Variants in HUNK observed in about 807,000 individuals in gnomAD.
HUNK encodes hormonally up-regulated neu tumor-associated kinase.
In HUNK, 21 loss-of-function variants were observed where a neutral mutation model predicts 61.0. The observed-to-expected ratio is 0.34, with a 90% confidence interval of 0.24 to 0.50. The LOEUF is 0.50. Ranked by LOEUF, HUNK falls within the 20% of genes least tolerant of loss-of-function variation. HUNK has a pLI of 0.98. For synonymous variants in HUNK, 371 were observed against 386.1 expected (o/e 0.96, Z 0.46); for missense variants, 772 against 945.7 (o/e 0.82, Z 2.41).
At chr21:31,915,979 A>T (rs1218069268) in intron 1 of HUNK, among the ~76,000 whole-genome samples, 1 of 151,060 alleles carries the variant, frequency 6.6e-6, no homozygotes, top group South Asian at 2.1e-4. Flanking sequence ...TAAATTGGTA[A>T]TGATAATAAC....
rs146730857 is a variant in HUNK at position 31,917,590 on chromosome 21, G to C, written c.262-6878G>C. Among the ~76,000 whole-genome samples the C allele has an allele frequency of 2.1e-3, 321 of 152,100 alleles. 2 individuals carry two copies. Among genetic ancestry groups the C allele is most frequent in the African/African-American group, 7.5e-3 (311 of 41,484 alleles). On this transcript the variant is annotated intron_variant, in intron 1 of 10. Coordinates refer to ENST00000270112, the MANE Select transcript of HUNK (RefSeq NM_014586.2). The stretch of plus-strand genomic sequence containing the variant: ...TTGAAAAGGCTTGCAACTTGGATCT[G>C]TTGATGAGTCTCGGTTTTACTGATC...
intron 2 of HUNK, among the ~76,000 whole-genome samples, chr21:31,926,756 C>T (rs1347537415): frequency 6.6e-6 from 1 of 152,124 alleles, no homozygotes; most frequent in Non-Finnish European, 1.5e-5. Flanking sequence ...TGTTCCCACA[C>T]TTTGGCTAGT....
intron 5 of HUNK, among the ~76,000 whole-genome samples, chr21:31,959,490 A>T (rs972151918): frequency 6.6e-6 from 1 of 152,196 alleles, no homozygotes; most frequent in Admixed American, 6.5e-5. Context: ...ATTGGACTGA[A>T]TCATCAGGTG....
chr21:31,921,680 G>A (rs1466858517), intron 1 of HUNK, among the ~76,000 whole-genome samples: 1 of 152,172 alleles, frequency 6.6e-6, no homozygotes, highest in Admixed American at 6.5e-5. Flanking sequence ...GAATTCAAGA[G>A]GCCAGGAGGA....
chr21:31,924,112 G>A lies in HUNK; in HGVS notation c.262-356G>A, dbSNP rs1361276064. On this transcript the variant is annotated intron_variant, in intron 1 of 10. Transcript: ENST00000270112. The surrounding 1 kb of genome is among the most constrained non-coding windows in gnomAD (Gnocchi z 5.1). ...CTGGGACAAGCCCTTTGCTGGAAGAGAAATTGTTATTTCATCTTCCCATCC... is the reference window on the plus strand; with the variant it reads ...CTGGGACAAGCCCTTTGCTGGAAGAAAAATTGTTATTTCATCTTCCCATCC... Among the ~76,000 whole-genome samples, 1 of 152,202 alleles carries A rather than the reference G, an allele frequency of 6.6e-6. No homozygotes were observed.
chr21:31,904,524 G>A (rs1462401997), intron 1 of HUNK, among the ~76,000 whole-genome samples: 1 of 152,182 alleles, frequency 6.6e-6, no homozygotes, highest in African/African-American at 2.4e-5. Context: ...CATAAGCTGG[G>A]AAAACATGTG....
chr21:31,902,511 CAA>C (rs946582434), intron 1 of HUNK, among the ~76,000 whole-genome samples: 1 of 145,648 alleles, frequency 6.9e-6, no homozygotes, highest in African/African-American at 2.5e-5. Flanking sequence ...ACTCTATCTC[CAA>C]AAAAAAAAAT....
chr21:31,958,650 A>G (rs536057376), intron 4 of HUNK, among the ~76,000 whole-genome samples, 193 bp from the exon 5 acceptor site: 3 of 152,242 alleles, frequency 2.0e-5, no homozygotes, highest in Admixed American at 6.5e-5. Context: ...GATTACAGGC[A>G]TGAGCCACCA....
intron 4 of HUNK, among the ~76,000 whole-genome samples, chr21:31,957,077 A>G (rs1368405033): frequency 6.6e-6 from 1 of 152,144 alleles, no homozygotes; most frequent in African/African-American, 2.4e-5. Context: ...CCTGTTTCTA[A>G]GTTCTCAGTC....
chr21:31,968,751 TGTGA>T lies in HUNK; in HGVS notation c.1010+368_1010+371del, dbSNP rs1202162115. 1.7e-3 allele frequency among the ~76,000 whole-genome samples: 177 copies of T among 106,386 alleles called. 1 individual carries two copies. Among genetic ancestry groups the T allele is most frequent in the South Asian group, 2.3e-3 (9 of 3,866 alleles). The allele number at this position is 106,386 out of a possible 152,430, so 69.8% of individuals were successfully genotyped here. ...GTGTGTGTGTGTGTGTGTGTGTGTG[TGTGA>T]GAGAGAGAGAGTGAGTGTCTATGTC... On this transcript the variant is annotated intron_variant, in intron 6 of 10. Transcript: ENST00000270112.
chr21:31,878,286 A>G (rs76045152), intron 1 of HUNK, among the ~76,000 whole-genome samples: 28,554 of 150,080 alleles, frequency 0.19, 3,416 homozygotes, highest in Middle Eastern at 0.28. Flanking sequence ...AAAGAGTTTA[A>G]GATTTTAAAT....
In HUNK at chr21:31,873,849, G is replaced by A. The variant is rs145808052; in HGVS notation, c.175G>A (p.Gly59Ser). 3 of 1,585,982 alleles carry A rather than the reference G, an allele frequency of 1.9e-6. No individual in the cohort carries two copies. Among genetic ancestry groups the A allele is most frequent in the Non-Finnish European group, 2.6e-6 (3 of 1,168,442 alleles). ...CGACTTCCAGCACCACAAGCGCGTG[G>A]GCAACTACCTCATCGGCAGCAGGAA... ...LRDFQHHKRV[G>S]NYLIGSRKLG... Residue 59 changes from glycine (G) to serine (S), a missense_variant, in exon 1 of 11, where the codon GGC becomes AGC. Gly to Ser is a moderately conservative substitution (Grantham distance 56). Transcript: ENST00000270112. The surrounding 1 kb of genome is among the most constrained non-coding windows in gnomAD (Gnocchi z 6.1).
intron 1 of HUNK, among the ~76,000 whole-genome samples, chr21:31,900,600 G>T (rs913729182): frequency 6.6e-6 from 1 of 152,136 alleles, no homozygotes; most frequent in East Asian, 1.9e-4. Context: ...TGGTCCAAAG[G>T]TCTCCTCTTC....
chr21:31,902,761 C>A (rs2052477772), intron 1 of HUNK, among the ~76,000 whole-genome samples: 1 of 152,104 alleles, frequency 6.6e-6, no homozygotes, highest in African/African-American at 2.4e-5. Context: ...TTAATTTAGG[C>A]CACTAAATGG....
In HUNK at chr21:31,998,820, C is replaced by A. The variant is rs769382526; in HGVS notation, c.1781C>A (p.Ser594Tyr). 1 of 1,614,174 alleles carries A rather than the reference C, an allele frequency of 6.2e-7. No individual in the cohort carries two copies. Among genetic ancestry groups the A allele is most frequent in the South Asian group, 1.1e-5 (1 of 91,086 alleles). Reference protein sequence around the residue: ...NSPVSLARRNSSERTLSPGLP... With the variant: ...NSPVSLARRNYSERTLSPGLP... ...CCGGTCAGCTTGGCTCGCAGAAATT[C>A]CAGCGAGAGGACGCTGTCCCCGGGT... The change falls in exon 11 of 11, where the codon TCC becomes TAC. Residue 594 changes from serine to tyrosine, a missense_variant. This residue lies in a region of HUNK where 413 missense variants were observed against 444.4 expected (regional missense o/e 0.93). Coordinates refer to ENST00000270112, the MANE Select transcript of HUNK (RefSeq NM_014586.2).
intron 1 of HUNK, among the ~76,000 whole-genome samples, chr21:31,881,054 G>C (rs1257142874): frequency 6.6e-6 from 1 of 152,222 alleles, no homozygotes. Flanking sequence ...GCATGGCCTC[G>C]TACGGGACAG....
intron 2 of HUNK, among the ~76,000 whole-genome samples, chr21:31,928,299 A>G (rs927148804): frequency 6.6e-6 from 1 of 152,198 alleles, no homozygotes; most frequent in Non-Finnish European, 1.5e-5. Context: ...CGCGAGAACA[A>G]CAAAGAAAAC....
intron 7 of HUNK, among the ~76,000 whole-genome samples, chr21:31,982,295 A>C (rs1012171605): frequency 6.6e-6 from 1 of 152,170 alleles, no homozygotes; most frequent in African/African-American, 2.4e-5. Context: ...TAGTCTGAGA[A>C]TCCATACTCT....
chr21:31,995,165 A>C (rs2123258133), intron 9 of HUNK, among the ~76,000 whole-genome samples: 1 of 149,834 alleles, frequency 6.7e-6, no homozygotes, highest in South Asian at 2.1e-4. Flanking sequence ...CCTCAAAAAA[A>C]AAAAAAAAAA....
Sources: allele counts gnomAD v4.1 joint callset (sites outside exome capture counted in the v4.1 genomes callset), GRCh38; gene constraint gnomAD v4.1.1; regional missense constraint gnomAD v4.1.1; non-coding constraint Gnocchi (gnomAD v3.1); transcripts MANE v1.5; gene names NCBI Gene and HGNC (gene_info 2026-07-23, HGNC 2026-07-21).